The following JOSD2 variants were observed in gnomAD, a reference collection of about 807,000 sequenced individuals.
The protein encoded by JOSD2 is josephin-2.
A neutral mutation model predicts 19.3 loss-of-function variants in JOSD2; 20 were observed. The observed-to-expected ratio is 1.04, with a 90% CI of 0.73 to 1.51. JOSD2 has a LOEUF of 1.51. Ranked by LOEUF, JOSD2 falls within the 40% of genes most tolerant of loss-of-function variation. The probability of loss-of-function intolerance (pLI) is 0.00; values close to 1 mark genes in which losing one functional copy is unlikely to be tolerated. For synonymous variants in JOSD2, 118 were observed against 123.7 expected, an observed-to-expected ratio of 0.95 and a Z score of 0.31; for missense variants, 215 against 250.4, an observed-to-expected ratio of 0.86 and a Z score of 0.95.
intron 3 of JOSD2, among the ~76,000 whole-genome samples, 172 bp downstream of exon 3, chr19:50,507,402 A>T (rs1427417177): frequency 6.6e-6 from 1 of 151,484 alleles, no homozygotes; most frequent in African/African-American, 2.4e-5. Context: ...TCCACCCAGC[A>T]TCTCAGCCCA....
chr19:50,507,165 G>A (rs952052678), intron 3 of JOSD2, among the ~76,000 whole-genome samples: 4 of 117,440 alleles, frequency 3.4e-5, no homozygotes, highest in Non-Finnish European at 6.7e-5. Flanking sequence ...CAGTGGACTC[G>A]CCATGCCCCC....
At chr19:50,506,297 G>C (rs755918679) in intron 4 of JOSD2, 25 bp from the exon 5 acceptor site, 1 of 1,611,544 alleles carries the variant, frequency 6.2e-7, no homozygotes, top group South Asian at 1.1e-5. Flanking sequence ...TGGGGAGACT[G>C]AGGCTCGGCC....
In JOSD2 at chr19:50,506,127, G is replaced by T; in HGVS notation, c.*46C>A. 1.9e-6 allele frequency: 3 copies of T among 1,563,634 alleles called. No homozygotes were observed. Among genetic ancestry groups the T allele is most frequent in the Non-Finnish European group, 2.6e-6 (3 of 1,139,454 alleles). On this transcript the variant is annotated 3_prime_UTR_variant, in exon 5 of 5. Coordinates refer to ENST00000598418, the MANE Select transcript of JOSD2 (RefSeq NM_001270639.2). ...AGGCATGCAGTGTGCGCAGCCGGAG[G>T]GGGATGCGCAGGGACTGCGCTGTGG...
intron 1 of JOSD2, 125 bp from the exon 2 acceptor site, chr19:50,510,573 G>A: frequency 1.2e-6 from 1 of 848,366 alleles, no homozygotes. Flanking sequence ...AAGACACTGG[G>A]CCCCTGACCC....
chr19:50,510,503 C>A, intron 1 of JOSD2, 55 bp from the exon 2 acceptor site: 1 of 1,499,464 alleles, frequency 6.7e-7, no homozygotes, highest in East Asian at 2.3e-5. Flanking sequence ...AGAGGTCCAG[C>A]CTCCCAGCAG....
rs994664360 is a variant in JOSD2, at chr19:50,506,049, G to T, written c.*124C>A. The T allele has an allele frequency of 3.6e-6, 3 of 839,224 alleles. No homozygotes were observed. The South Asian group carries it at 5.2e-5, about 15-fold the overall frequency. The allele number at this position is 839,224 out of a possible 1,614,324, so 52.0% of individuals were successfully genotyped here. ...GCAGCAGCGGCAGTGGGGAGCAGGGGTGTGGGGAGGGGGCGGGGCCTCCCC... is the reference window on the plus strand; with the variant it reads ...GCAGCAGCGGCAGTGGGGAGCAGGGTTGTGGGGAGGGGGCGGGGCCTCCCC... On this transcript the variant is annotated 3_prime_UTR_variant, in exon 5 of 5. Transcript: ENST00000598418.
rs1979360547 is a variant in JOSD2 at position 50,506,569 on chromosome 19, G to A, written c.276C>T (p.Pro92=). 1.3e-6 allele frequency: 2 copies of A among 1,525,514 alleles called. No individual in the cohort carries two copies. Among genetic ancestry groups the A allele is most frequent in the African/African-American group, 1.4e-5 (1 of 72,402 alleles). The allele number at this position is 1,525,514 out of a possible 1,614,324, so 94.5% of individuals were successfully genotyped here. A position where few individuals can be genotyped will look rare whatever the true frequency, so the allele number is the denominator to read the frequency against. The change falls in exon 4 of 5, where the codon CCC becomes CCT. Residue 92 remains proline (P), a synonymous_variant. Transcript: ENST00000598418. ...LAAVWWDRRR[P]LSQLALPQVL... ...CCTGGGGCAGGGCCAGCTGGGACAG[G>A]GGCCTGTGTGGGCAGGGAGGGGACA...
chr19:50,507,186 C>T (rs1284689014), intron 3 of JOSD2, among the ~76,000 whole-genome samples: 2 of 147,614 alleles, frequency 1.4e-5, no homozygotes, highest in African/African-American at 5.0e-5. Context: ...AATCCTCACT[C>T]ACTCTTGACC....
chr19:50,511,057 C>G (rs994095880), intron 1 of JOSD2, 60 bp downstream of exon 1: 2 of 450,928 alleles, frequency 4.4e-6, no homozygotes, highest in South Asian at 3.1e-5. Flanking sequence ...AGGAATGGAG[C>G]CCTTCGCCGA....
Position 50,507,635 on chromosome 19 carries a change from T to G in JOSD2, c.211A>C (p.Asn71His). Residue 71 changes from asparagine (N) to histidine (H), a missense_variant, in exon 3 of 5, where the codon AAT (asparagine) becomes CAT (histidine). Asn to His is a moderately conservative substitution (Grantham distance 68). Transcript: ENST00000598418. The part of the protein sequence containing the change: ...SLLGTGNYDV[N>H]VIMAALQGLG... Reference sequence around the variant, plus strand: ...CCCTGCAGAGCGGCCATGATCACATTGACATCATAGTTGCCGGTGCCCAGG... The same window carrying G: ...CCCTGCAGAGCGGCCATGATCACATGGACATCATAGTTGCCGGTGCCCAGG... 2 of 1,611,684 alleles carry G rather than the reference T, an allele frequency of 1.2e-6. No individual in the cohort carries two copies. Among genetic ancestry groups the G allele is most frequent in the Non-Finnish European group, 1.7e-6 (2 of 1,179,916 alleles).
In JOSD2 at chr19:50,506,548, G is replaced by T. The variant is rs758303162; in HGVS notation, c.297C>A (p.Pro99=). The T allele has an allele frequency of 2.0e-5, 31 of 1,545,304 alleles. No homozygotes were observed. The highest frequency in any genetic ancestry group is 2.5e-5 in the Non-Finnish European group (29 of 1,143,978). Residue 99 remains proline (P), a synonymous_variant, in exon 4 of 5, where the codon CCC becomes CCA. Coordinates refer to ENST00000598418, the MANE Select transcript of JOSD2 (RefSeq NM_001270639.2). ...RRRPLSQLAL[P]QVLGLILNLP... ...GGTTCAGGATCAGCCCCAGTACCTG[G>T]GGCAGGGCCAGCTGGGACAGGGGCC...
intron 2 of JOSD2, among the ~76,000 whole-genome samples, chr19:50,508,485 C>T (rs1250797345): frequency 4.6e-5 from 7 of 152,140 alleles, no homozygotes; most frequent in Non-Finnish European, 7.3e-5. Flanking sequence ...ACCTCAGAGC[C>T]TCAGCACCCT....
chr19:50,510,119 C>G, intron 2 of JOSD2, 167 bp downstream of exon 2: 1 of 672,808 alleles, frequency 1.5e-6, no homozygotes, highest in Non-Finnish European at 2.5e-6. Flanking sequence ...CAGGGACAGA[C>G]AGGCACAGGA....
In JOSD2 at chr19:50,510,315, G is replaced by C; in HGVS notation, c.117C>G (p.Ser39Arg). 1.9e-6 allele frequency: 3 copies of C among 1,613,464 alleles called. No homozygotes were observed. Among genetic ancestry groups the C allele is most frequent in the Non-Finnish European group, 2.5e-6 (3 of 1,179,998 alleles). ...TGCAGATCTCATCGGCAGCCTCCTG[G>C]CTAAAGAGCTGCTGCTGCAGAACGT... Reference protein sequence around the residue: ...LNNVLQQQLFSQEAADEICKR... With the variant: ...LNNVLQQQLFRQEAADEICKR... The change falls in exon 2 of 5, where the codon AGC becomes AGG. Residue 39 changes from serine (S) to arginine (R), a missense_variant. By Grantham distance (110) the Ser-to-Arg change is moderately radical (BLOSUM62 -1). Transcript: ENST00000598418.
At chr19:50,507,754 CA>C in intron 2 of JOSD2, 55 bp from the exon 3 acceptor site, 5 of 1,570,450 alleles carry the variant, frequency 3.2e-6, no homozygotes, top group Non-Finnish European at 3.4e-6. Context: ...GGCCTCCCCA[CA>C]AAATGGGGGT....
intron 2 of JOSD2, among the ~76,000 whole-genome samples, chr19:50,508,240 C>A (rs1004799862): frequency 6.6e-6 from 1 of 152,244 alleles, no homozygotes; most frequent in African/African-American, 2.4e-5. Context: ...TCAGATGTCA[C>A]GTCCTCTGAG....
Position 50,508,157 on chromosome 19 carries a change from C to T in JOSD2, c.147-458G>A, listed in dbSNP as rs555381013. The T allele has an allele frequency of 2.3e-3, 475 of 209,012 alleles. 5 individuals carry two copies. The highest frequency in any genetic ancestry group is 0.01 in the African/African-American group (449 of 42,844). 12.9% of individuals were successfully genotyped at this position (209,012 alleles called of 1,614,324 possible). On this transcript the variant is annotated intron_variant, in intron 2 of 4. Transcript: ENST00000598418. ...GGCCCTCTCCTGCTCTCAGCTCTCCCATGGCTCCCCAATGCCTTGGACAAA... is the reference window on the plus strand; with the variant it reads ...GGCCCTCTCCTGCTCTCAGCTCTCCTATGGCTCCCCAATGCCTTGGACAAA...
intron 2 of JOSD2, 126 bp downstream of exon 2, chr19:50,510,160 G>A: frequency 2.6e-6 from 3 of 1,159,916 alleles, no homozygotes; most frequent in Non-Finnish European, 3.7e-6. Flanking sequence ...CCAGCGTCTA[G>A]CTTAGGCAAG....
At chr19:50,509,103 A>ATTTTTTT (rs34345488) in intron 2 of JOSD2, among the ~76,000 whole-genome samples, 2 of 115,166 alleles carry the variant, frequency 1.7e-5, no homozygotes, top group African/African-American at 7.0e-5. Flanking sequence ...TAAAGGAGTG[A>ATTTTTTT]TTTTTTTTTT....
Sources: gnomAD v4.1 joint callset for allele counts (sites outside exome capture counted in the v4.1 genomes callset) on GRCh38, gnomAD v4.1.1 for gene constraint, MANE v1.5 for transcripts, NCBI Gene and HGNC (gene_info 2026-07-23, HGNC 2026-07-21) for gene names.